The following COP1 variants were observed in gnomAD, a reference collection of about 807,000 sequenced individuals.
The protein encoded by COP1 is E3 ubiquitin-protein ligase COP1.
Under a neutral mutation model 101.3 loss-of-function variants are expected in COP1, and 24 were observed. That is an observed-to-expected ratio of 0.24 (90% CI 0.17 to 0.33). The LOEUF is 0.33. Ranked by LOEUF, COP1 falls within the 10% of genes least tolerant of loss-of-function variation. The pLI, the probability that COP1 is intolerant of heterozygous loss-of-function variation, is 1.00. For missense variants in COP1, 663 were observed against 906.2 expected (o/e 0.73, Z 3.45); for synonymous variants, 347 against 341.9 (o/e 1.01, Z -0.17).
intron 18 of COP1, among the ~76,000 whole-genome samples, chr1:175,950,106 G>A (rs1258395858): frequency 6.6e-6 from 1 of 151,884 alleles, no homozygotes; most frequent in East Asian, 1.9e-4. Context: ...CTGTCTTACT[G>A]TAACCTCAGG....
intron 15 of COP1, among the ~76,000 whole-genome samples, chr1:175,995,275 T>C (rs1265985117): frequency 6.6e-6 from 1 of 152,192 alleles, no homozygotes; most frequent in Non-Finnish European, 1.5e-5. Flanking sequence ...TAGCACTAAA[T>C]GCTCACAAGA....
intron 14 of COP1, among the ~76,000 whole-genome samples, chr1:176,028,528 A>C (rs1398729498): frequency 1.4e-5 from 2 of 141,994 alleles, no homozygotes; most frequent in African/African-American, 2.6e-5. Flanking sequence ...TCATGCCACC[A>C]AAAAAAAAAA....
chr1:176,120,986 A>C (rs1407797708), intron 8 of COP1, among the ~76,000 whole-genome samples: 1 of 152,188 alleles, frequency 6.6e-6, no homozygotes, highest in African/African-American at 2.4e-5. Flanking sequence ...AATTATGAAT[A>C]AGAGAATCAA....
At chr1:176,055,165 G>A (rs1489113317) in intron 11 of COP1, among the ~76,000 whole-genome samples, 1 of 152,232 alleles carries the variant, frequency 6.6e-6, no homozygotes. Flanking sequence ...TGGGTGCAGT[G>A]GCTCAAGCCT....
Position 176,203,571 on chromosome 1 carries a change from G to A in COP1, c.407+3001C>T, listed in dbSNP as rs374547061. Reference sequence around the variant, plus strand: ...GACTCACAGTCTAGTTAAATGAACCGTAAGAAAATTTTGCAAAAAACAAAA... The same window carrying A: ...GACTCACAGTCTAGTTAAATGAACCATAAGAAAATTTTGCAAAAAACAAAA... On this transcript the variant is annotated intron_variant, in intron 1 of 19. Coordinates refer to ENST00000367669, the MANE Select transcript of COP1 (RefSeq NM_022457.7). Among the ~76,000 whole-genome samples the A allele has an allele frequency of 2.6e-5, 4 of 152,078 alleles. No homozygotes were observed. In the South Asian group the frequency reaches 6.2e-4, roughly 24 times the overall value.
At chr1:175,998,071 A>T (rs1660668717) in intron 15 of COP1, among the ~76,000 whole-genome samples, 2 of 132,162 alleles carry the variant, frequency 1.5e-5, no homozygotes, top group South Asian at 2.5e-4. Flanking sequence ...ATTAAAAAAA[A>T]AAAAAAAAAA....
chr1:176,065,461 C>T (rs1675753793), intron 11 of COP1, among the ~76,000 whole-genome samples: 1 of 152,028 alleles, frequency 6.6e-6, no homozygotes, highest in African/African-American at 2.4e-5. Context: ...ACACTTGTCA[C>T]CAGATTAAGT....
intron 14 of COP1, among the ~76,000 whole-genome samples, chr1:176,038,779 T>C (rs1032248042): frequency 1.3e-5 from 2 of 150,092 alleles, no homozygotes; most frequent in African/African-American, 4.9e-5. Context: ...GATCATATCA[T>C]TGCACTCCAG....
At chr1:176,185,992 A>G (rs191242251) in intron 1 of COP1, among the ~76,000 whole-genome samples, 222 of 152,346 alleles carry the variant, frequency 1.5e-3, no homozygotes, top group Non-Finnish European at 2.5e-3. Flanking sequence ...AAATATGTAT[A>G]GATGATATTA....
At chr1:176,016,902 G>A (rs1665763594) in intron 15 of COP1, among the ~76,000 whole-genome samples, 1 of 152,162 alleles carries the variant, frequency 6.6e-6, no homozygotes, top group Admixed American at 6.5e-5. Flanking sequence ...AAATGTTTAA[G>A]GGGTGTATCA....
rs75388602 is a variant in COP1, at chr1:175,945,736, G to C, written c.2179-566C>G. On this transcript the variant is annotated intron_variant, in intron 19 of 19. Coordinates refer to ENST00000367669, the MANE Select transcript of COP1 (RefSeq NM_022457.7). ...AAACTAAGAGGAAGCAAATGGCTAA[G>C]AAAGATCACGGAACAGGAGGATAGT... 9.1e-4 allele frequency among the ~76,000 whole-genome samples: 138 copies of C among 152,300 alleles called. No homozygotes were observed. In the East Asian group the frequency reaches 0.026, roughly 28 times the overall value.
intron 9 of COP1, chr1:176,100,416 A>G (rs1031117465): frequency 6.7e-6 from 1 of 149,772 alleles, no homozygotes; most frequent in African/African-American, 2.5e-5. Flanking sequence ...AAAAGACTGG[A>G]GAGAGATAAA....
intron 2 of COP1, among the ~76,000 whole-genome samples, chr1:176,177,349 TAAAAAAA>T (rs575380846): frequency 7.5e-6 from 1 of 132,632 alleles, no homozygotes; most frequent in Admixed American, 7.5e-5. Flanking sequence ...AAAAAAATAT[TAAAAAAA>T]AAAAAGAAAA....
At chr1:176,008,784 T>C (rs1183069245) in intron 15 of COP1, among the ~76,000 whole-genome samples, 2 of 152,240 alleles carry the variant, frequency 1.3e-5, no homozygotes, top group Non-Finnish European at 2.9e-5. Context: ...ACTAAATCTG[T>C]TCAGCCTGTA....
intron 8 of COP1, among the ~76,000 whole-genome samples, chr1:176,118,750 A>G (rs1036361977): frequency 6.6e-6 from 1 of 151,996 alleles, no homozygotes; most frequent in African/African-American, 2.4e-5. Context: ...GCCCTGTCTC[A>G]AACAAACAAA....
intron 3 of COP1, among the ~76,000 whole-genome samples, chr1:176,175,122 C>T (rs1208180354): frequency 2.0e-5 from 3 of 152,138 alleles, no homozygotes; most frequent in Non-Finnish European, 4.4e-5. Context: ...ATTCTCTTCA[C>T]CCATTCACTC....
intron 2 of COP1, among the ~76,000 whole-genome samples, chr1:176,180,630 T>C (rs1466152458): frequency 6.6e-6 from 1 of 152,216 alleles, no homozygotes; most frequent in Non-Finnish European, 1.5e-5. Context: ...TCTCTATAGA[T>C]GTATATGGTT....
intron 1 of COP1, among the ~76,000 whole-genome samples, chr1:176,200,270 G>C (rs2102260694): frequency 6.6e-6 from 1 of 152,306 alleles, no homozygotes; most frequent in South Asian, 2.1e-4. Flanking sequence ...CAAACTAATT[G>C]TCAGTACAAC....
intron 9 of COP1, among the ~76,000 whole-genome samples, chr1:176,089,813 G>C (rs1680952492): frequency 6.6e-6 from 1 of 152,140 alleles, no homozygotes; most frequent in African/African-American, 2.4e-5. Context: ...TCTGAATAAT[G>C]TCACGACAAA....
Sources: gnomAD v4.1 joint callset for allele counts (sites outside exome capture counted in the v4.1 genomes callset) on GRCh38, gnomAD v4.1.1 for gene constraint, MANE v1.5 for transcripts, NCBI Gene and HGNC (gene_info 2026-07-23, HGNC 2026-07-21) for gene names.